NCKAP5: variants seen among roughly 807,000 people sequenced by gnomAD.
NCKAP5 encodes the protein NCK associated protein 5.
A neutral mutation model predicts 167.0 loss-of-function variants in NCKAP5; 92 were observed. The observed-to-expected ratio is 0.55, with a 90% CI of 0.47 to 0.66. The LOEUF is 0.66. Ranked by LOEUF, NCKAP5 falls within the 30% of genes least tolerant of loss-of-function variation. NCKAP5 has a pLI of 0.00. For synonymous variants in NCKAP5, 891 were observed against 877.4 expected (o/e 1.02, Z -0.27); for missense variants, 2,378 against 2,315.0 (o/e 1.03, Z -0.56).
chr2:133,416,073 C>T (rs1263779111), intron 3 of NCKAP5, among the ~76,000 whole-genome samples: 1 of 152,222 alleles, frequency 6.6e-6, no homozygotes, highest in African/African-American at 2.4e-5. Context: ...TGTCAAGTTT[C>T]TGTTTGGCTC....
chr2:132,731,757 A>G lies in NCKAP5; in HGVS notation c.5423T>C (p.Leu1808Pro). 1.3e-6 allele frequency: 2 copies of G among 1,593,500 alleles called. No individual in the cohort carries two copies. The highest frequency in any genetic ancestry group is 1.7e-6 in the Non-Finnish European group (2 of 1,165,022). Residue 1808 changes from leucine to proline, a missense_variant, in exon 17 of 20, where the codon CTC (leucine) becomes CCC (proline). Leu to Pro is a moderately conservative substitution (Grantham distance 98). This residue lies in a region of NCKAP5 where 1,325 missense variants were observed against 1,274.5 expected (regional missense o/e 1.04). Coordinates refer to ENST00000409261, the MANE Select transcript of NCKAP5 (RefSeq NM_207363.3). ...TTTACCTGAGGAAGCTGGTTTGGGG[A>G]GGCGGCTCTGAAGAGGCCTCATCCC... ...ARGMRPLQSR[L>P]PKPASSGKVS... is the part of the protein sequence containing the mutation.
At chr2:133,489,121 A>T (rs1167616779) in intron 3 of NCKAP5, among the ~76,000 whole-genome samples, 1 of 152,168 alleles carries the variant, frequency 6.6e-6, no homozygotes, top group African/African-American at 2.4e-5. Context: ...AGGGGGACAT[A>T]GTACATCTCC....
intron 3 of NCKAP5, among the ~76,000 whole-genome samples, chr2:133,393,624 A>T (rs1196745128): frequency 6.6e-6 from 1 of 152,252 alleles, no homozygotes; most frequent in Non-Finnish European, 1.5e-5. Context: ...ATTGATATAT[A>T]AAGCAACAAG....
chr2:133,343,306 T>TA (rs545833820), intron 3 of NCKAP5, among the ~76,000 whole-genome samples: 5 of 151,468 alleles, frequency 3.3e-5, no homozygotes, highest in African/African-American at 7.3e-5. Flanking sequence ...TTGAAGAATA[T>TA]AAAAAAAATT....
chr2:133,403,254 T>G (rs1254174351), intron 3 of NCKAP5, among the ~76,000 whole-genome samples: 1 of 152,208 alleles, frequency 6.6e-6, no homozygotes, highest in African/African-American at 2.4e-5. Flanking sequence ...AAGAAGTAAT[T>G]ATGAGTAATT....
At chr2:133,385,661 T>C (rs1262441225) in intron 3 of NCKAP5, among the ~76,000 whole-genome samples, 1 of 152,204 alleles carries the variant, frequency 6.6e-6, no homozygotes, top group African/African-American at 2.4e-5. Flanking sequence ...AATTCGGCTG[T>C]GAATCCATCT....
chr2:133,360,254 T>C (rs1685011571), intron 3 of NCKAP5, among the ~76,000 whole-genome samples: 1 of 152,176 alleles, frequency 6.6e-6, no homozygotes, highest in African/African-American at 2.4e-5. Flanking sequence ...CAGCTTGTCA[T>C]CAGGAAAGTG....
chr2:133,144,478 C>T (rs148863787), intron 5 of NCKAP5, among the ~76,000 whole-genome samples: 5 of 152,166 alleles, frequency 3.3e-5, no homozygotes, highest in African/African-American at 7.2e-5. Flanking sequence ...TGCATAAACT[C>T]CCTAGAAGCC....
At chr2:132,688,545 A>G (rs141364684) in intron 19 of NCKAP5, among the ~76,000 whole-genome samples, 162 of 152,286 alleles carry the variant, frequency 1.1e-3, no homozygotes, top group African/African-American at 3.4e-3. Flanking sequence ...ATTTTCAAAC[A>G]TGTCTCAGAA....
At chr2:133,001,365 C>T (rs1029164109) in intron 6 of NCKAP5, among the ~76,000 whole-genome samples, 7 of 151,868 alleles carry the variant, frequency 4.6e-5, no homozygotes, top group East Asian at 1.9e-4. Context: ...ACTAAAGACA[C>T]GAGCCCTCAA....
At chr2:132,834,283 A>G (rs1324433913) in intron 11 of NCKAP5, among the ~76,000 whole-genome samples, 1 of 152,120 alleles carries the variant, frequency 6.6e-6, no homozygotes, top group African/African-American at 2.4e-5. Flanking sequence ...TGTAGCCTTG[A>G]ACTCTTAGGC....
chr2:132,829,066 T>G (rs565985474), intron 11 of NCKAP5, among the ~76,000 whole-genome samples: 2 of 152,300 alleles, frequency 1.3e-5, no homozygotes, highest in East Asian at 3.9e-4. Context: ...CTCATGAATA[T>G]TCTTTTACAA....
Position 132,672,821 on chromosome 2 carries a change from T to A in NCKAP5, c.*468A>T. The A allele has an allele frequency of 2.9e-6, 1 of 348,444 alleles. No homozygotes were observed. The highest frequency in any genetic ancestry group is 4.0e-6 in the Non-Finnish European group (1 of 247,478). The allele number at this position is 348,444 out of a possible 1,614,324, so 21.6% of individuals were successfully genotyped here. A position where few individuals can be genotyped will look rare whatever the true frequency, so the allele number is the denominator to read the frequency against. On this transcript the variant is annotated 3_prime_UTR_variant, in exon 20 of 20. Transcript: ENST00000409261. ...TCATAGATGTGTTTACGCTTAATCC[T>A]CTTGAAACACAATAAATGGAGTCTA...
At chr2:133,639,739 G>A in the NCKAP5 span, among the ~76,000 whole-genome samples, 3 of 152,060 alleles carry the variant, frequency 2.0e-5, no homozygotes, top group African/African-American at 7.2e-5. Context: ...CTCTGGAAAG[G>A]CTGTGCAGAC....
chr2:133,329,841 C>A (rs1682708254), intron 3 of NCKAP5, among the ~76,000 whole-genome samples: 1 of 152,080 alleles, frequency 6.6e-6, no homozygotes, highest in Non-Finnish European at 1.5e-5. Context: ...TGTTCAACTT[C>A]ATGAATTCAC....
At chr2:132,912,527 T>C (rs1694536569) in intron 8 of NCKAP5, among the ~76,000 whole-genome samples, 1 of 152,188 alleles carries the variant, frequency 6.6e-6, no homozygotes, top group Non-Finnish European at 1.5e-5. Context: ...TTAAGTAGTG[T>C]GTACATATCT....
intron 6 of NCKAP5, among the ~76,000 whole-genome samples, chr2:133,065,797 A>C (rs1331146451): frequency 2.0e-5 from 3 of 152,200 alleles, no homozygotes; most frequent in Non-Finnish European, 4.4e-5. Context: ...CAGCCTCCTC[A>C]AAGCGGTAGT....
intron 19 of NCKAP5, among the ~76,000 whole-genome samples, chr2:132,701,328 T>G (rs1036413177): frequency 6.6e-6 from 1 of 152,156 alleles, no homozygotes; most frequent in African/African-American, 2.4e-5. Flanking sequence ...CACAAAGTTT[T>G]ATCTGTTTTA....
At chr2:133,303,458 A>G (rs1680547926) in intron 3 of NCKAP5, among the ~76,000 whole-genome samples, 1 of 152,190 alleles carries the variant, frequency 6.6e-6, no homozygotes, top group Non-Finnish European at 1.5e-5. Flanking sequence ...GAAAATAGAC[A>G]AAACAGTTCT....
Sources: gnomAD v4.1 joint callset for allele counts (sites outside exome capture counted in the v4.1 genomes callset) on GRCh38, gnomAD v4.1.1 for gene constraint, gnomAD v4.1.1 regional missense constraint, MANE v1.5 for transcripts, NCBI Gene and HGNC (gene_info 2026-07-23, HGNC 2026-07-21) for gene names.